CPD: variants seen among roughly 807,000 people sequenced by gnomAD.
The protein encoded by CPD is metallocarboxypeptidase D.
Under a neutral mutation model 138.3 loss-of-function variants are expected in CPD, and 69 were observed. That is an observed-to-expected ratio of 0.50 (90% CI 0.41 to 0.61). The LOEUF (loss-of-function observed/expected upper bound fraction) is 0.61. CPD is among the 20% of genes least tolerant of loss of function. The pLI is 0.00. For synonymous variants in CPD, 651 were observed against 642.1 expected (o/e 1.01, Z -0.21); for missense variants, 1,432 against 1,733.3 (o/e 0.83, Z 3.09).
At chr17:30,424,907 T>TAGTTGGTCATTAGTACCCAGA (rs1392688119) in intron 6 of CPD, among the ~76,000 whole-genome samples, 2 of 152,200 alleles carry the variant, frequency 1.3e-5, no homozygotes, top group Non-Finnish European at 2.9e-5. Context: ...AGTTGGTCAT[T>TAGTTGGTCATTAGTACCCAGA]AGTTGGTCAT....
intron 15 of CPD, 160 bp from the exon 16 acceptor site, chr17:30,456,096 G>A (rs1913285292): frequency 3.3e-6 from 2 of 597,138 alleles, no homozygotes; most frequent in East Asian, 5.6e-5. Context: ...TATTATCTTG[G>A]GCTAAATAAA....
rs1469897326 is a variant in CPD at position 30,466,404 on chromosome 17, A to AT, written c.*1594dup. The AT allele has an allele frequency of 6.6e-6, 1 of 152,558 alleles. No homozygotes were observed. Among genetic ancestry groups the AT allele is most frequent in the Non-Finnish European group, 1.5e-5 (1 of 67,992 alleles). 9.5% of individuals were successfully genotyped at this position (152,558 alleles called of 1,614,324 possible). ...ATTCAAAGTGGCTTTATAAAAGAAG[A>AT]TTTTCTTTAGCAAGAATAATGAGGT... On this transcript the variant is annotated 3_prime_UTR_variant, in exon 21 of 21. Coordinates refer to ENST00000225719, the MANE Select transcript of CPD (RefSeq NM_001304.5).
intron 2 of CPD, among the ~76,000 whole-genome samples, chr17:30,414,904 G>A (rs1246014754): frequency 6.6e-6 from 1 of 152,210 alleles, no homozygotes; most frequent in African/African-American, 2.4e-5. Flanking sequence ...TGAATAGGCA[G>A]TTGGATGTAC....
chr17:30,445,701 G>A lies in CPD; in HGVS notation c.2554G>A (p.Val852Ile), dbSNP rs1042809892. 2.5e-6 allele frequency: 4 copies of A among 1,603,412 alleles called. No homozygotes were observed. The highest frequency in any genetic ancestry group is 2.7e-5 in the African/African-American group (2 of 74,552). Residue 852 changes from valine (V) to isoleucine (I), a missense_variant, in exon 12 of 21, where the codon GTT becomes ATT. By Grantham distance (29) the Val-to-Ile change is conservative (BLOSUM62 3). This residue lies in a region of CPD where 297 missense variants were observed against 405.3 expected (regional missense o/e 0.73). Transcript: ENST00000225719. ...ITASARGYNP[V>I]TKNVTVKSEG... ...TCTCCTTTATCATAGGTATAATCCA[G>A]TTACCAAGAATGTGACTGTCAAGAG... is the stretch of plus-strand genomic sequence containing the variant.
At chr17:30,407,132 C>T (rs577918897) in intron 2 of CPD, among the ~76,000 whole-genome samples, 3 of 152,156 alleles carry the variant, frequency 2.0e-5, no homozygotes, top group African/African-American at 4.8e-5. Context: ...TATGTCCCTG[C>T]AAAGGACATG....
At chr17:30,395,676 T>C (rs1031595231) in intron 2 of CPD, among the ~76,000 whole-genome samples, 6 of 151,656 alleles carry the variant, frequency 4.0e-5, no homozygotes, top group Admixed American at 1.3e-4. Flanking sequence ...TTTTTTCTTT[T>C]CCTTTTTTCC....
Position 30,446,007 on chromosome 17 carries a change from A to G in CPD, c.2860A>G (p.Thr954Ala). 6.3e-7 allele frequency: 1 copy of G among 1,592,844 alleles called. No individual in the cohort carries two copies. Among genetic ancestry groups the G allele is most frequent in the Non-Finnish European group, 8.5e-7 (1 of 1,170,536 alleles). The change falls in exon 12 of 21, where the codon ACA becomes GCA. Residue 954 changes from threonine (T) to alanine (A), a missense_variant. Thr to Ala is a moderately conservative substitution (Grantham distance 58). Around this residue, in one of 6 missense-constraint regions of CPD, gnomAD observed 124 missense variants for 117.0 expected, o/e 1.06. Coordinates refer to ENST00000225719, the MANE Select transcript of CPD (RefSeq NM_001304.5). The part of the protein sequence containing the change: ...RGLVMNYPHI[T>A]NLTNLGQSTE... ...ACTTGTAATGAACTATCCACATATT[A>G]CAAATCTTACCAAGTAAGTGTCACT... is the stretch of plus-strand genomic sequence containing the variant.
chr17:30,390,928 C>G (rs879392737), intron 2 of CPD, among the ~76,000 whole-genome samples: 1 of 151,680 alleles, frequency 6.6e-6, no homozygotes, highest in East Asian at 1.9e-4. Context: ...CTCTTGGGTT[C>G]AAGCGATTCT....
chr17:30,461,769 T>C (rs1479308605), intron 18 of CPD, 108 bp from the exon 19 acceptor site: 1 of 848,660 alleles, frequency 1.2e-6, no homozygotes, highest in African/African-American at 1.7e-5. Flanking sequence ...TGTGTGTGGT[T>C]TTTGTTTTGT....
chr17:30,389,178 G>T (rs978891203), intron 2 of CPD, among the ~76,000 whole-genome samples: 2 of 152,198 alleles, frequency 1.3e-5, no homozygotes, highest in African/African-American at 4.8e-5. Flanking sequence ...GCTGTGGGGG[G>T]TGGCTGCAGA....
intron 8 of CPD, among the ~76,000 whole-genome samples, chr17:30,436,565 A>G (rs1005923601): frequency 2.0e-5 from 3 of 152,206 alleles, no homozygotes; most frequent in East Asian, 1.9e-4. Flanking sequence ...CAATACCACA[A>G]TGAGATACCT....
chr17:30,466,195 T>C lies in CPD; in HGVS notation c.*1381T>C, dbSNP rs1408184963. 1.3e-5 allele frequency: 2 copies of C among 152,650 alleles called. No individual in the cohort carries two copies. The highest frequency in any genetic ancestry group is 4.8e-5 in the African/African-American group (2 of 41,468). The allele number at this position is 152,650 out of a possible 1,614,324, so 9.5% of individuals were successfully genotyped here. On this transcript the variant is annotated 3_prime_UTR_variant, in exon 21 of 21. Coordinates refer to ENST00000225719, the MANE Select transcript of CPD (RefSeq NM_001304.5). ...TCTTACCAATGATGTAACGGTTTAA[T>C]ACCTTTGAATGTTTTAATAACCAAG...
At chr17:30,425,197 A>G (rs1912371529) in intron 6 of CPD, among the ~76,000 whole-genome samples, 1 of 152,204 alleles carries the variant, frequency 6.6e-6, no homozygotes. Flanking sequence ...TGCACAGTTA[A>G]GCTTAAATTG....
chr17:30,382,188 TTGTC>T (rs1196482974), intron 1 of CPD, among the ~76,000 whole-genome samples: 1 of 152,170 alleles, frequency 6.6e-6, no homozygotes, highest in African/African-American at 2.4e-5. Flanking sequence ...ATATCTATGA[TTGTC>T]TGAATCTTTG....
At chr17:30,424,428 A>T (rs1378785437) in intron 6 of CPD, among the ~76,000 whole-genome samples, 1 of 152,190 alleles carries the variant, frequency 6.6e-6, no homozygotes, top group East Asian at 1.9e-4. Flanking sequence ...ATTTCCCATC[A>T]TGGCCTGAAC....
chr17:30,416,340 A>G (rs1341678392), intron 2 of CPD, among the ~76,000 whole-genome samples: 2 of 152,252 alleles, frequency 1.3e-5, no homozygotes, highest in Non-Finnish European at 2.9e-5. Flanking sequence ...CTCAAAAAAA[A>G]GAAAATGTTC....
At chr17:30,401,293 T>C (rs1911654838) in intron 2 of CPD, among the ~76,000 whole-genome samples, 1 of 150,550 alleles carries the variant, frequency 6.6e-6, no homozygotes. Flanking sequence ...TCCTCCTCTT[T>C]CTCCTCTTAC....
chr17:30,403,291 A>G (rs1002224483), intron 2 of CPD, among the ~76,000 whole-genome samples: 2 of 152,140 alleles, frequency 1.3e-5, no homozygotes, highest in Non-Finnish European at 2.9e-5. Context: ...CTCAGGGGCC[A>G]GTCTGGGTGC....
In CPD at chr17:30,438,956, A is replaced by ATTCT. The variant is rs760952220; in HGVS notation, c.2128-16_2128-13dup. On this transcript the variant is annotated intron_variant, in intron 8 of 20. Coordinates refer to ENST00000225719, the MANE Select transcript of CPD (RefSeq NM_001304.5). ...GAGATACAAACAAATAGAAGTAAAG[A>ATTCT]TTCTTTTTGTTTTTCCAGGAAAATT... 3 of 1,381,876 alleles carry ATTCT rather than the reference A, an allele frequency of 2.2e-6. No homozygotes were observed. The African/African-American group carries it at 4.5e-5, about 21-fold the overall frequency. The allele number at this position is 1,381,876 out of a possible 1,614,324, so 85.6% of individuals were successfully genotyped here. A position where few individuals can be genotyped will look rare whatever the true frequency, so the allele number is the denominator to read the frequency against.
Sources: gnomAD v4.1 joint callset for allele counts (sites outside exome capture counted in the v4.1 genomes callset) on GRCh38, gnomAD v4.1.1 for gene constraint, gnomAD v4.1.1 regional missense constraint, MANE v1.5 for transcripts, NCBI Gene and HGNC (gene_info 2026-07-23, HGNC 2026-07-21) for gene names.